The following EBF2 variants were observed in gnomAD, a reference collection of about 807,000 sequenced individuals.
EBF2 encodes the protein EBF transcription factor 2.
EBF2 carries 21 observed loss-of-function variants against 72.8 expected under a neutral mutation model. The observed-to-expected ratio is 0.29, with a 90% CI of 0.20 to 0.42. The LOEUF (loss-of-function observed/expected upper bound fraction) is 0.42. EBF2 is among the 10% of genes least tolerant of loss of function. The pLI, the probability that EBF2 is intolerant of heterozygous loss-of-function variation, is 1.00. For missense variants in EBF2, 637 were observed against 731.2 expected (o/e 0.87, Z 1.49); for synonymous variants, 299 against 274.2 (o/e 1.09, Z -0.89).
intron 6 of EBF2, among the ~76,000 whole-genome samples, chr8:25,928,541 T>G (rs1248586842): frequency 1.3e-5 from 2 of 152,134 alleles, no homozygotes; most frequent in Non-Finnish European, 2.9e-5. Flanking sequence ...TACCATGTGA[T>G]CAATTACTGT....
chr8:25,966,621 CT>C (rs1234667905), intron 6 of EBF2, among the ~76,000 whole-genome samples: 1 of 152,224 alleles, frequency 6.6e-6, no homozygotes, highest in African/African-American at 2.4e-5. Context: ...AGCCCGAGTT[CT>C]TTCTCAAAAT....
chr8:25,934,739 A>C (rs1486663319), intron 6 of EBF2, among the ~76,000 whole-genome samples: 3 of 152,188 alleles, frequency 2.0e-5, no homozygotes, highest in Admixed American at 2.0e-4. Context: ...GACACTTCAG[A>C]GGTGCCTTAG....
chr8:25,989,427 C>G lies in EBF2; in HGVS notation c.551+43658G>C, dbSNP rs147614055. 3.2e-3 allele frequency among the ~76,000 whole-genome samples: 490 copies of G among 152,256 alleles called. 3 individuals carry two copies. The highest frequency in any genetic ancestry group is 0.011 in the African/African-American group (467 of 41,542). ...TAGTAAACTTGTAAAAGGGCAAGAC[C>G]TCATCTAATCCCCTCTAAAGATGAA... On this transcript the variant is annotated intron_variant, in intron 6 of 15. Transcript: ENST00000520164.
intron 15 of EBF2, among the ~76,000 whole-genome samples, chr8:25,849,955 C>T (rs1201944153): frequency 1.3e-5 from 2 of 152,046 alleles, no homozygotes; most frequent in African/African-American, 4.8e-5. Context: ...TGTGGTATCC[C>T]CTGGGGTGAC....
intron 6 of EBF2, among the ~76,000 whole-genome samples, chr8:25,978,261 G>A (rs1563198171): frequency 7.1e-6 from 1 of 141,072 alleles, no homozygotes. Flanking sequence ...CCCACCTTGA[G>A]GGGCCTCGGG....
intron 6 of EBF2, among the ~76,000 whole-genome samples, chr8:25,916,365 G>A (rs1344689638): frequency 6.6e-6 from 1 of 151,776 alleles, no homozygotes; most frequent in Non-Finnish European, 1.5e-5. Context: ...GGCCAATAGT[G>A]AGGACTAGTT....
chr8:25,864,039 C>T (rs1394226979), intron 10 of EBF2, among the ~76,000 whole-genome samples: 4 of 152,138 alleles, frequency 2.6e-5, no homozygotes, highest in Non-Finnish European at 4.4e-5. Flanking sequence ...TAATATCAGG[C>T]AATTAATGTG....
At chr8:25,958,137 A>G (rs1803978492) in intron 6 of EBF2, among the ~76,000 whole-genome samples, 1 of 152,208 alleles carries the variant, frequency 6.6e-6, no homozygotes, top group Non-Finnish European at 1.5e-5. Context: ...ATTTCTATCT[A>G]AAGAGGAACT....
rs956568321 is a variant in EBF2, at chr8:25,842,707, T to C, written c.*1902A>G. On this transcript the variant is annotated 3_prime_UTR_variant, in exon 16 of 16. Coordinates refer to ENST00000520164, the MANE Select transcript of EBF2 (RefSeq NM_022659.4). ...CTAAAACCTTGGATTCTCATGTGCA[T>C]AGAAATAATATAAGTCATACTGGGT... The C allele has an allele frequency of 2.6e-5, 4 of 152,108 alleles. No homozygotes were observed. Among genetic ancestry groups the C allele is most frequent in the Non-Finnish European group, 4.4e-5 (3 of 68,034 alleles). 9.4% of individuals were successfully genotyped at this position (152,108 alleles called of 1,614,324 possible).
chr8:25,908,330 A>C (rs1803073136), intron 7 of EBF2, 144 bp downstream of exon 7: 5 of 644,802 alleles, frequency 7.8e-6, no homozygotes, highest in Non-Finnish European at 1.3e-5. Flanking sequence ...CTAGTGGCTG[A>C]GGGTCATCGT....
chr8:25,966,034 G>C (rs73225959), intron 6 of EBF2, among the ~76,000 whole-genome samples: 4,505 of 152,262 alleles, frequency 0.03, 98 homozygotes, highest in Non-Finnish European at 0.043. Context: ...GTGCAAGGTG[G>C]GAGAAGTTGA....
intron 6 of EBF2, among the ~76,000 whole-genome samples, chr8:25,916,299 A>T (rs1335027479): frequency 2.4e-4 from 36 of 151,696 alleles, no homozygotes; most frequent in African/African-American, 7.0e-4. Context: ...AAAAAAAAAA[A>T]AAGCAAAAAA....
intron 13 of EBF2, among the ~76,000 whole-genome samples, chr8:25,859,512 C>A (rs78614976): frequency 0.022 from 3,292 of 152,146 alleles, 141 homozygotes; most frequent in African/African-American, 0.075. Context: ...GCATGGGGGA[C>A]CCAGTCTATG....
chr8:26,010,023 G>T (rs1306009153), intron 6 of EBF2, among the ~76,000 whole-genome samples: 6 of 152,226 alleles, frequency 3.9e-5, no homozygotes, highest in Admixed American at 1.3e-4. Flanking sequence ...AGGAAGGGAA[G>T]AAACTTTGCT....
intron 6 of EBF2, among the ~76,000 whole-genome samples, chr8:25,936,681 A>AG (rs1803584629): frequency 6.6e-6 from 1 of 152,146 alleles, no homozygotes; most frequent in African/African-American, 2.4e-5. Flanking sequence ...CATTTACAAG[A>AG]GGGTTTCGTT....
intron 6 of EBF2, among the ~76,000 whole-genome samples, chr8:25,957,795 G>A (rs1002870421): frequency 3.9e-5 from 6 of 152,232 alleles, no homozygotes; most frequent in Non-Finnish European, 8.8e-5. Context: ...GAGCCCAGGA[G>A]TTCAAGATCG....
At chr8:25,900,659 C>T (rs1001258815) in intron 7 of EBF2, among the ~76,000 whole-genome samples, 2 of 152,050 alleles carry the variant, frequency 1.3e-5, no homozygotes, top group South Asian at 2.1e-4. Context: ...AAGGGTCTCT[C>T]ATGAAAGTTC....
chr8:25,995,469 T>C (rs138911660), intron 6 of EBF2, among the ~76,000 whole-genome samples: 1 of 152,050 alleles, frequency 6.6e-6, no homozygotes, highest in East Asian at 1.9e-4. Flanking sequence ...ATAATAAACG[T>C]AAATAAGTTA....
chr8:26,003,729 G>A (rs1804779562), intron 6 of EBF2, among the ~76,000 whole-genome samples: 1 of 152,144 alleles, frequency 6.6e-6, no homozygotes, highest in Non-Finnish European at 1.5e-5. Flanking sequence ...ATGATCCCTG[G>A]GGAAGAGGTG....
Sources: allele counts gnomAD v4.1 joint callset (sites outside exome capture counted in the v4.1 genomes callset), GRCh38; gene constraint gnomAD v4.1.1; transcripts MANE v1.5; gene names NCBI Gene and HGNC (gene_info 2026-07-23, HGNC 2026-07-21).